Variants in CATSPER3 observed in about 807,000 individuals in gnomAD.
CATSPER3 encodes the protein cation channel sperm associated 3.
CATSPER3 carries 23 observed loss-of-function variants against 36.6 expected under a neutral mutation model. The observed-to-expected ratio is 0.63, with a 90% CI of 0.45 to 0.89. The LOEUF is 0.89. CATSPER3 is among the 40% of genes least tolerant of loss of function. The probability of loss-of-function intolerance (pLI) is 0.00; values close to 1 mark genes in which losing one functional copy is unlikely to be tolerated. For synonymous variants in CATSPER3, 172 were observed against 184.1 expected (o/e 0.93, Z 0.53); for missense variants, 474 against 503.9 (o/e 0.94, Z 0.57).
At chr5:135,006,337 T>C (rs1039365810) in intron 3 of CATSPER3, among the ~76,000 whole-genome samples, 2 of 152,192 alleles carry the variant, frequency 1.3e-5, no homozygotes, top group Non-Finnish European at 2.9e-5. Context: ...TGGGCTGGCC[T>C]GGAGGTGGGA....
At chr5:134,977,481 A>G (rs904927959) in intron 2 of CATSPER3, among the ~76,000 whole-genome samples, 1 of 151,856 alleles carries the variant, frequency 6.6e-6, no homozygotes, top group African/African-American at 2.4e-5. Context: ...TTCTCAATAG[A>G]CTCCACATTT....
intron 2 of CATSPER3, among the ~76,000 whole-genome samples, chr5:134,980,183 T>C (rs1751733321): frequency 6.6e-6 from 1 of 151,936 alleles, no homozygotes; most frequent in Admixed American, 6.6e-5. Flanking sequence ...GGTCTCACTA[T>C]GTTGCCTAGG....
At chr5:134,989,421 T>G (rs1212393477) in intron 2 of CATSPER3, among the ~76,000 whole-genome samples, 1 of 152,248 alleles carries the variant, frequency 6.6e-6, no homozygotes, top group Admixed American at 6.5e-5. Flanking sequence ...CTTTGCACAT[T>G]GAAAATCTGT....
intron 4 of CATSPER3, 83 bp downstream of exon 4, chr5:135,008,222 C>G (rs1752116433): frequency 8.6e-7 from 1 of 1,156,714 alleles, no homozygotes; most frequent in African/African-American, 1.5e-5. Flanking sequence ...ACATGTGGGG[C>G]CTCACATGGG....
At chr5:135,007,884 G>A in intron 3 of CATSPER3, 73 bp from the exon 4 acceptor site, 1 of 1,293,980 alleles carries the variant, frequency 7.7e-7, no homozygotes, top group South Asian at 1.2e-5. Flanking sequence ...GAACTGGGCA[G>A]AATGGACCTC....
chr5:135,006,746 G>A (rs1752092091), intron 3 of CATSPER3, among the ~76,000 whole-genome samples: 1 of 151,018 alleles, frequency 6.6e-6, no homozygotes, highest in Admixed American at 6.6e-5. Context: ...GCTGAGGCAG[G>A]AGAATGGCAT....
chr5:135,009,714 TATA>T (rs1752154718), intron 6 of CATSPER3, among the ~76,000 whole-genome samples: 3 of 152,266 alleles, frequency 2.0e-5, no homozygotes. Flanking sequence ...GTACTGTGAT[TATA>T]ATGTCTCCCT....
intron 5 of CATSPER3, 37 bp downstream of exon 5, chr5:135,009,018 G>C: frequency 6.2e-7 from 1 of 1,613,756 alleles, no homozygotes; most frequent in South Asian, 1.1e-5. Flanking sequence ...GGTCAGGGCA[G>C]GTGTGGCAGA....
At position 134,967,930 on chromosome 5, in the gene CATSPER3, C is replaced by A; in HGVS notation, c.-62C>A. Reference sequence around the variant, plus strand: ...TCAGAATCCAGACGCTAAGGAAAATCCCTAAGCAGAGATTTTCTGTTGGAT... The same window carrying A: ...TCAGAATCCAGACGCTAAGGAAAATACCTAAGCAGAGATTTTCTGTTGGAT... On this transcript the variant is annotated 5_prime_UTR_variant, in exon 1 of 8. Coordinates refer to ENST00000282611, the MANE Select transcript of CATSPER3 (RefSeq NM_178019.3). The A allele has an allele frequency of 7.9e-7, 1 of 1,272,110 alleles. No homozygotes were observed. The highest frequency in any genetic ancestry group is 1.1e-6 in the Non-Finnish European group (1 of 870,762). 78.8% of individuals were successfully genotyped at this position (1,272,110 alleles called of 1,614,324 possible). A position where few individuals can be genotyped will look rare whatever the true frequency, so the allele number is the denominator to read the frequency against.
intron 2 of CATSPER3, among the ~76,000 whole-genome samples, chr5:134,970,598 G>T (rs1179437877): frequency 1.5e-5 from 2 of 136,908 alleles, no homozygotes; most frequent in Non-Finnish European, 3.1e-5. Context: ...TTGAGACAGA[G>T]TCTCGCCCTG....
chr5:134,984,792 A>T lies in CATSPER3; in HGVS notation c.253-11481A>T, dbSNP rs371442043. 2.6e-5 allele frequency among the ~76,000 whole-genome samples: 4 copies of T among 152,124 alleles called. No homozygotes were observed. In the East Asian group the frequency reaches 7.8e-4, roughly 30 times the overall value. ...CTGACTATCTCCCCAAAGGAAAAAA[A>T]AATCACTATATCAGACACCTGCATG... On this transcript the variant is annotated intron_variant, in intron 2 of 7. Coordinates refer to ENST00000282611, the MANE Select transcript of CATSPER3 (RefSeq NM_178019.3).
At chr5:134,981,594 A>C (rs545265461) in intron 2 of CATSPER3, among the ~76,000 whole-genome samples, 5 of 152,344 alleles carry the variant, frequency 3.3e-5, no homozygotes, top group Non-Finnish European at 5.9e-5. Flanking sequence ...CTTTGCAAAA[A>C]TAGTTTAGAA....
At chr5:135,009,347 G>T in intron 5 of CATSPER3, 24 bp from the exon 6 acceptor site, 1 of 1,612,022 alleles carries the variant, frequency 6.2e-7, no homozygotes, top group South Asian at 1.1e-5. Context: ...GCCTGTAGTT[G>T]ACCTCCATCG....
chr5:134,991,529 A>G (rs1214630900), intron 2 of CATSPER3, among the ~76,000 whole-genome samples: 4 of 152,208 alleles, frequency 2.6e-5, no homozygotes, highest in Non-Finnish European at 5.9e-5. Flanking sequence ...CGGGGTCAAG[A>G]CCATTCAATG....
intron 2 of CATSPER3, among the ~76,000 whole-genome samples, chr5:134,990,491 C>T (rs1751865788): frequency 1.3e-5 from 2 of 152,078 alleles, no homozygotes. Flanking sequence ...GTAGGTTTGC[C>T]CTAAGCAGTT....
rs140248302 is a variant in CATSPER3 at position 134,996,193 on chromosome 5, G to A, written c.253-80G>A. 3.3e-4 allele frequency: 518 copies of A among 1,590,572 alleles called. No individual in the cohort carries two copies. In the African/African-American group the frequency reaches 6.1e-3, roughly 19 times the overall value. ...TGGGTGACTTAGGAGCACCCCTTCCGGGGCTCACGCAGGGAGCAGGCCAGA... is the reference window on the plus strand; with the variant it reads ...TGGGTGACTTAGGAGCACCCCTTCCAGGGCTCACGCAGGGAGCAGGCCAGA... On this transcript the variant is annotated intron_variant, in intron 2 of 7. Transcript: ENST00000282611.
At chr5:135,007,571 G>A (rs1752104100) in intron 3 of CATSPER3, among the ~76,000 whole-genome samples, 1 of 152,136 alleles carries the variant, frequency 6.6e-6, no homozygotes, top group South Asian at 2.1e-4. Flanking sequence ...TCCTGGGCCC[G>A]GGGCAGAGAG....
At chr5:134,988,113 A>T (rs1311222216) in intron 2 of CATSPER3, among the ~76,000 whole-genome samples, 2 of 152,234 alleles carry the variant, frequency 1.3e-5, no homozygotes, top group Non-Finnish European at 2.9e-5. Flanking sequence ...GTTACATTAT[A>T]CTGTAGTCTG....
chr5:134,998,907 T>C (rs1751986141), intron 3 of CATSPER3, among the ~76,000 whole-genome samples: 1 of 152,366 alleles, frequency 6.6e-6, no homozygotes, highest in East Asian at 1.9e-4. Flanking sequence ...GTGCAGAAGC[T>C]CTTTAGTTTC....
Sources: gnomAD v4.1 joint callset for allele counts (sites outside exome capture counted in the v4.1 genomes callset) on GRCh38, gnomAD v4.1.1 for gene constraint, MANE v1.5 for transcripts, NCBI Gene and HGNC (gene_info 2026-07-23, HGNC 2026-07-21) for gene names.